Variants in AP1S3 observed in about 807,000 individuals in gnomAD.
AP1S3 encodes the protein adaptor related protein complex 1 subunit sigma 3, also known as AP-1 complex subunit sigma-3.
A neutral mutation model predicts 20.9 loss-of-function variants in AP1S3; 10 were observed. That is an observed-to-expected ratio of 0.48 (90% CI 0.29 to 0.81). The LOEUF (loss-of-function observed/expected upper bound fraction) is 0.81. AP1S3 is among the 30% of genes least tolerant of loss of function. The pLI, the probability that AP1S3 is intolerant of heterozygous loss-of-function variation, is 0.08. For missense variants in AP1S3, 154 were observed against 183.8 expected, an observed-to-expected ratio of 0.84 and a Z score of 0.94; for synonymous variants, 41 against 61.5, an observed-to-expected ratio of 0.67 and a Z score of 1.56.
At position 223,756,458 on chromosome 2, in the gene AP1S3, AAAG is replaced by A; in HGVS notation, c.*2254_*2256del. 6 of 842,170 alleles carry A rather than the reference AAAG, an allele frequency of 7.1e-6. No homozygotes were observed. Among genetic ancestry groups the A allele is most frequent in the Non-Finnish European group, 8.6e-6 (6 of 699,078 alleles). The allele number at this position is 842,170 out of a possible 1,614,324, so 52.2% of individuals were successfully genotyped here. A position where few individuals can be genotyped will look rare whatever the true frequency, so the allele number is the denominator to read the frequency against. ...AAGGAAGAAAGGAAGGAAAAGAAAG[AAAG>A]AAAGAAAAGAAAGAAAGAAAGAAAA... On this transcript the variant is annotated 3_prime_UTR_variant, in exon 5 of 5. Coordinates refer to ENST00000396654, the MANE Select transcript of AP1S3 (RefSeq NM_001039569.2).
At chr2:223,809,076 G>T (rs1691652587) in intron 1 of AP1S3, among the ~76,000 whole-genome samples, 1 of 152,294 alleles carries the variant, frequency 6.6e-6, no homozygotes, top group East Asian at 1.9e-4. Flanking sequence ...TTCAACAATT[G>T]CTCCCTTACA....
intron 3 of AP1S3, among the ~76,000 whole-genome samples, chr2:223,774,042 T>A (rs1480908706): frequency 6.6e-6 from 1 of 152,190 alleles, no homozygotes; most frequent in Non-Finnish European, 1.5e-5. Flanking sequence ...GGTCATTTCT[T>A]GTTGCTGGAG....
chr2:223,834,465 C>T (rs2106045962), intron 1 of AP1S3, among the ~76,000 whole-genome samples: 1 of 152,166 alleles, frequency 6.6e-6, no homozygotes, highest in Non-Finnish European at 1.5e-5. Context: ...TGGCACACAC[C>T]TGTGGTCCCA....
intron 1 of AP1S3, among the ~76,000 whole-genome samples, chr2:223,789,699 G>A (rs141199194): frequency 0.031 from 4,635 of 149,808 alleles, 112 homozygotes; most frequent in East Asian, 0.097. Context: ...AAAGCCAGGC[G>A]TGGTGGCACA....
intron 4 of AP1S3, among the ~76,000 whole-genome samples, chr2:223,760,003 CATA>C (rs1690315169): frequency 6.6e-6 from 1 of 152,056 alleles, no homozygotes; most frequent in South Asian, 2.1e-4. Context: ...GCCCCAAAGC[CATA>C]ATATTTTTTT....
intron 3 of AP1S3, among the ~76,000 whole-genome samples, chr2:223,770,878 C>T (rs1229607903): frequency 6.6e-6 from 1 of 151,884 alleles, no homozygotes. Flanking sequence ...CAGGCATATG[C>T]CACCATGCCT....
intron 1 of AP1S3, among the ~76,000 whole-genome samples, chr2:223,788,362 C>T (rs566300160): frequency 1.8e-4 from 28 of 152,054 alleles, no homozygotes; most frequent in Non-Finnish European, 3.5e-4. Flanking sequence ...CCTGTAATCC[C>T]AGCACTCTGG....
chr2:223,760,146 C>CAT (rs1304622133), intron 4 of AP1S3, among the ~76,000 whole-genome samples: 1 of 152,130 alleles, frequency 6.6e-6, no homozygotes, highest in Non-Finnish European at 1.5e-5. Flanking sequence ...CTACTTTAAA[C>CAT]ATATATATTT....
At chr2:223,777,902 TCAAC>T (rs766821961) in intron 1 of AP1S3, 33 bp from the exon 2 acceptor site, 153 of 1,578,426 alleles carry the variant, frequency 9.7e-5, no homozygotes, top group Non-Finnish European at 1.3e-4. Flanking sequence ...CAGAACCTGA[TCAAC>T]CAAGTCACTC....
chr2:223,826,524 CA>C (rs1437168433), intron 1 of AP1S3, among the ~76,000 whole-genome samples: 1 of 152,122 alleles, frequency 6.6e-6, no homozygotes, highest in African/African-American at 2.4e-5. Context: ...ACCCGGGAGG[CA>C]GGGGTCGCAG....
intron 1 of AP1S3, among the ~76,000 whole-genome samples, chr2:223,792,391 C>T (rs182278430): frequency 6.6e-6 from 1 of 152,228 alleles, no homozygotes; most frequent in African/African-American, 2.4e-5. Context: ...CTCACACCTA[C>T]AACCATCTGA....
chr2:223,760,363 C>T (rs1264464942), intron 4 of AP1S3, among the ~76,000 whole-genome samples: 1 of 152,174 alleles, frequency 6.6e-6, no homozygotes, highest in Non-Finnish European at 1.5e-5. Context: ...GGCTACTGGC[C>T]GAGCAAGATT....
chr2:223,788,311 G>A (rs1489217827), intron 1 of AP1S3, among the ~76,000 whole-genome samples: 1 of 150,886 alleles, frequency 6.6e-6, no homozygotes, highest in African/African-American at 2.4e-5. Context: ...CATCATTTTC[G>A]CCCTTAAGAA....
chr2:223,775,242 G>C (rs1050608434), intron 3 of AP1S3, among the ~76,000 whole-genome samples: 1 of 152,170 alleles, frequency 6.6e-6, no homozygotes, highest in Non-Finnish European at 1.5e-5. Context: ...CTGAGGACTG[G>C]AGCACCTAGC....
chr2:223,832,532 C>T (rs1053075374), intron 1 of AP1S3, among the ~76,000 whole-genome samples: 1 of 151,984 alleles, frequency 6.6e-6, no homozygotes, highest in African/African-American at 2.4e-5. Flanking sequence ...CCAAAGCCCT[C>T]GATCTTACAC....
intron 1 of AP1S3, among the ~76,000 whole-genome samples, chr2:223,825,803 G>T (rs929264379): frequency 6.6e-6 from 1 of 152,146 alleles, no homozygotes; most frequent in Non-Finnish European, 1.5e-5. Context: ...GATCACCTGA[G>T]GTCAGGAGTT....
At position 223,773,313 on chromosome 2, in the gene AP1S3, C is replaced by A. The variant is rs77110905; in HGVS notation, c.291+2588G>T. ...AGGCAGGTTACGGGAATGCCCAGAC[C>A]TCAAGGAAACTTCTTCAGGCTCTTG... On this transcript the variant is annotated intron_variant, in intron 3 of 4. Coordinates refer to ENST00000396654, the MANE Select transcript of AP1S3 (RefSeq NM_001039569.2). 1,796 of 1,303,984 alleles carry A rather than the reference C, an allele frequency of 1.4e-3. 12 individuals are homozygous for A. The African/African-American group carries it at 0.018, about 13-fold the overall frequency. The allele number at this position is 1,303,984 out of a possible 1,614,324, so 80.8% of individuals were successfully genotyped here.
At chr2:223,779,598 G>A (rs774001722) in intron 1 of AP1S3, among the ~76,000 whole-genome samples, 4 of 152,188 alleles carry the variant, frequency 2.6e-5, no homozygotes, top group Admixed American at 6.6e-5. Flanking sequence ...CATTGTTTCA[G>A]TTGTGTCATG....
intron 1 of AP1S3, among the ~76,000 whole-genome samples, chr2:223,807,189 C>G (rs1336833162): frequency 1.3e-5 from 2 of 152,106 alleles, no homozygotes; most frequent in African/African-American, 2.4e-5. Context: ...ATCGCTTGAG[C>G]CTGGGAGATA....
Sources: gnomAD v4.1 joint callset for allele counts (sites outside exome capture counted in the v4.1 genomes callset) on GRCh38, gnomAD v4.1.1 for gene constraint, MANE v1.5 for transcripts, NCBI Gene and HGNC (gene_info 2026-07-23, HGNC 2026-07-21) for gene names.